The following PRKCE variants were observed in gnomAD, a reference collection of about 807,000 sequenced individuals.
PRKCE encodes protein kinase C epsilon type.
In PRKCE, 16 loss-of-function variants were observed where a neutral mutation model predicts 85.4. The ratio of observed to expected loss-of-function variants is 0.19; its 90% CI spans 0.13 to 0.28. The LOEUF is 0.28. Among genes scored for constraint, PRKCE ranks in the 10% least tolerant of loss-of-function variants. The pLI is 1.00. For synonymous variants in PRKCE, 388 were observed against 371.5 expected, an observed-to-expected ratio of 1.04 and a Z score of -0.51; for missense variants, 573 against 975.2, an observed-to-expected ratio of 0.59 and a Z score of 5.49.
At chr2:45,699,861 C>T (rs369636928) in intron 1 of PRKCE, among the ~76,000 whole-genome samples, 15 of 152,070 alleles carry the variant, frequency 9.9e-5, no homozygotes, top group Admixed American at 3.3e-4. Context: ...TGGATGCCGC[C>T]GCTTGTGTCT....
chr2:46,097,342 C>A (rs1397908628), intron 11 of PRKCE, among the ~76,000 whole-genome samples: 1 of 151,302 alleles, frequency 6.6e-6, no homozygotes, highest in Non-Finnish European at 1.5e-5. Context: ...CGCGGGGAAA[C>A]CCCGTCTCTA....
intron 2 of PRKCE, among the ~76,000 whole-genome samples, chr2:45,949,749 G>A (rs1218618021): frequency 6.6e-6 from 1 of 151,710 alleles, no homozygotes; most frequent in African/African-American, 2.4e-5. Context: ...CATATTTATC[G>A]GTCCATGTTT....
intron 1 of PRKCE, among the ~76,000 whole-genome samples, chr2:45,680,427 C>T (rs1176897765): frequency 6.6e-6 from 1 of 152,182 alleles, no homozygotes; most frequent in Non-Finnish European, 1.5e-5. Context: ...TATTCGCTAA[C>T]CTGTGGTGGG....
intron 1 of PRKCE, among the ~76,000 whole-genome samples, chr2:45,665,422 T>A (rs945355798): frequency 6.6e-6 from 1 of 152,202 alleles, no homozygotes; most frequent in African/African-American, 2.4e-5. Context: ...GTTTGTTGAG[T>A]TGCTGTGAGG....
chr2:45,830,172 C>A (rs914478959), intron 1 of PRKCE, among the ~76,000 whole-genome samples: 2 of 151,940 alleles, frequency 1.3e-5, no homozygotes, highest in Non-Finnish European at 2.9e-5. Flanking sequence ...TATTACTCTC[C>A]AGAAGAAACC....
rs116279956 is a variant in PRKCE at position 45,863,209 on chromosome 2, A to C, written c.412+20146A>C. 5.6e-3 allele frequency among the ~76,000 whole-genome samples: 851 copies of C among 152,260 alleles called. 10 individuals are homozygous for C. Among genetic ancestry groups the C allele is most frequent in the African/African-American group, 0.02 (813 of 41,536 alleles). On this transcript the variant is annotated intron_variant, in intron 2 of 14. Transcript: ENST00000306156. ...GTCTAGACCCTACTGTCTAGGGTCT[A>C]GGATACTTTGGTAGGAAGATCTTGA...
intron 1 of PRKCE, among the ~76,000 whole-genome samples, chr2:45,841,500 A>G (rs138500915): frequency 1.3e-5 from 2 of 152,362 alleles, no homozygotes; most frequent in African/African-American, 2.4e-5. Context: ...TAGTCTTTCA[A>G]ACTTCTTCTG....
intron 2 of PRKCE, among the ~76,000 whole-genome samples, chr2:45,948,907 T>C (rs969158612): frequency 6.6e-6 from 1 of 152,256 alleles, no homozygotes; most frequent in Non-Finnish European, 1.5e-5. Context: ...CATAATTTTA[T>C]AGATTTATCT....
intron 14 of PRKCE, among the ~76,000 whole-genome samples, chr2:46,182,122 T>G (rs918317583): frequency 3.9e-5 from 6 of 152,190 alleles, no homozygotes; most frequent in Admixed American, 1.3e-4. Flanking sequence ...TGGATGCTCC[T>G]GGCTTGCCTT....
chr2:45,671,995 C>A (rs1676187791), intron 1 of PRKCE, among the ~76,000 whole-genome samples: 1 of 132,252 alleles, frequency 7.6e-6, no homozygotes, highest in African/African-American at 2.9e-5. Context: ...CCTAAAAGGT[C>A]AAAGGTACAA....
At chr2:45,839,800 G>A (rs573367534) in intron 1 of PRKCE, among the ~76,000 whole-genome samples, 2 of 152,340 alleles carry the variant, frequency 1.3e-5, no homozygotes, top group African/African-American at 4.8e-5. Flanking sequence ...GAGCTTCCTC[G>A]CTTGGCTAGC....
At chr2:45,930,515 T>C (rs1278129276) in intron 2 of PRKCE, among the ~76,000 whole-genome samples, 2 of 152,142 alleles carry the variant, frequency 1.3e-5, no homozygotes, top group East Asian at 3.9e-4. Flanking sequence ...GGAGGAAGCA[T>C]TGCACATACA....
At chr2:45,911,712 C>T (rs1200807015) in intron 2 of PRKCE, among the ~76,000 whole-genome samples, 1 of 152,204 alleles carries the variant, frequency 6.6e-6, no homozygotes, top group Admixed American at 6.5e-5. Flanking sequence ...GGGATTGCCC[C>T]ACAACGGTCA....
intron 11 of PRKCE, among the ~76,000 whole-genome samples, chr2:46,123,781 C>T (rs1183942953): frequency 1.3e-5 from 2 of 152,206 alleles, no homozygotes; most frequent in Non-Finnish European, 2.9e-5. Context: ...CCACTGTGCC[C>T]TGCCAAGTTT....
At chr2:46,171,574 C>A (rs928065300) in intron 14 of PRKCE, among the ~76,000 whole-genome samples, 6 of 152,196 alleles carry the variant, frequency 3.9e-5, no homozygotes, top group Non-Finnish European at 7.3e-5. Flanking sequence ...GATTCCAAGT[C>A]CTGACCCCAC....
At chr2:45,874,103 A>G (rs978842598) in intron 2 of PRKCE, among the ~76,000 whole-genome samples, 2 of 152,214 alleles carry the variant, frequency 1.3e-5, no homozygotes, top group Middle Eastern at 3.2e-3. Context: ...CTGGTGCTGA[A>G]GAGATTGTCA....
intron 1 of PRKCE, among the ~76,000 whole-genome samples, chr2:45,749,424 G>A (rs1683378259): frequency 6.6e-6 from 1 of 152,198 alleles, no homozygotes; most frequent in Non-Finnish European, 1.5e-5. Context: ...TCATTGGCAT[G>A]TGGTTTGCAG....
chr2:46,024,715 A>C (rs1706962325), intron 10 of PRKCE, among the ~76,000 whole-genome samples: 1 of 152,148 alleles, frequency 6.6e-6, no homozygotes, highest in Non-Finnish European at 1.5e-5. Context: ...GAATGGGGAA[A>C]ATGACTTTTG....
At chr2:45,972,622 G>A (rs566842336) in intron 2 of PRKCE, among the ~76,000 whole-genome samples, 64 of 152,216 alleles carry the variant, frequency 4.2e-4, no homozygotes, top group Middle Eastern at 3.4e-3. Context: ...TTCAATCCAC[G>A]TTTAGTTGAT....
Sources: allele counts gnomAD v4.1 joint callset (sites outside exome capture counted in the v4.1 genomes callset), GRCh38; gene constraint gnomAD v4.1.1; transcripts MANE v1.5; gene names NCBI Gene and HGNC (gene_info 2026-07-23, HGNC 2026-07-21).